Variants in KPNA5 observed in about 807,000 individuals in gnomAD.
The protein encoded by KPNA5 is karyopherin subunit alpha 5.
Under a neutral mutation model 71.3 loss-of-function variants are expected in KPNA5, and 46 were observed. The ratio of observed to expected loss-of-function variants is 0.65; its 90% confidence interval spans 0.51 to 0.83. The LOEUF (loss-of-function observed/expected upper bound fraction) is 0.83, where lower values mean the gene tolerates loss of function less well. Ranked by LOEUF, KPNA5 falls within the 40% of genes least tolerant of loss-of-function variation. The probability of loss-of-function intolerance (pLI) is 0.00; values close to 1 mark genes in which losing one functional copy is unlikely to be tolerated. For missense variants in KPNA5, 547 were observed against 628.3 expected, an observed-to-expected ratio of 0.87 and a Z score of 1.38; for synonymous variants, 207 against 201.4, an observed-to-expected ratio of 1.03 and a Z score of -0.24.
At chr6:116,710,889 ATATAT>A (rs1306334137) in intron 7 of KPNA5, among the ~76,000 whole-genome samples, 18 of 68,824 alleles carry the variant, frequency 2.6e-4, no homozygotes, top group African/African-American at 1.3e-3. Context: ...ATATATATAT[ATATAT>A]TTTTTTTTTT....
chr6:116,729,717 T>C lies in KPNA5; in HGVS notation c.1408T>C (p.Cys470Arg), dbSNP rs1370320105. 2 of 1,567,702 alleles carry C rather than the reference T, an allele frequency of 1.3e-6. No homozygotes were observed. Among genetic ancestry groups the C allele is most frequent in the South Asian group, 2.4e-5 (2 of 82,598 alleles). Reference sequence around the variant, plus strand: ...GAATGGAATAGGCATTAATCCATACTGTGCTCTCATTGAAGAAGCATATGG... The same window carrying C: ...GAATGGAATAGGCATTAATCCATACCGTGCTCTCATTGAAGAAGCATATGG... ...KQNGIGINPY[C>R]ALIEEAYGLD... is the part of the protein sequence containing the mutation. The change falls in exon 13 of 14, where the codon TGT becomes CGT. Residue 470 changes from cysteine (C) to arginine (R), a missense_variant. Physicochemically the swap from Cys to Arg is radical, Grantham distance 180 (BLOSUM62 -3). Transcript: ENST00000368564.
chr6:116,727,786 T>C (rs1779341488), intron 12 of KPNA5, among the ~76,000 whole-genome samples: 1 of 152,126 alleles, frequency 6.6e-6, no homozygotes, highest in Non-Finnish European at 1.5e-5. Flanking sequence ...CCTGAATCTT[T>C]TATCATGTAC....
In KPNA5 at chr6:116,740,263, T is replaced by C. The variant is rs1473046252; in HGVS notation, c.*7940T>C. 1.3e-5 allele frequency: 2 copies of C among 152,156 alleles called. No individual in the cohort carries two copies. The highest frequency in any genetic ancestry group is 1.5e-5 in the Non-Finnish European group (1 of 68,042). 9.4% of individuals were successfully genotyped at this position (152,156 alleles called of 1,614,324 possible). A position where few individuals can be genotyped will look rare whatever the true frequency, so the allele number is the denominator to read the frequency against. On this transcript the variant is annotated 3_prime_UTR_variant, in exon 14 of 14. Transcript: ENST00000368564. Reference sequence around the variant, plus strand: ...AAAAAATGCTCACCATCACTGGCCATCAGACAAATGCAAATCAAAACCACA... The same window carrying C: ...AAAAAATGCTCACCATCACTGGCCACCAGACAAATGCAAATCAAAACCACA...
At position 116,733,562 on chromosome 6, in the gene KPNA5, TGAAA is replaced by T. The variant is rs1444664304; in HGVS notation, c.*1245_*1248del. ...CAAAAACCTCTTCAAACGGAAAATT[TGAAA>T]GAAAGGTTTCAATAGAAAAATTATA... On this transcript the variant is annotated 3_prime_UTR_variant, in exon 14 of 14. Coordinates refer to ENST00000368564, the MANE Select transcript of KPNA5 (RefSeq NM_001366306.2). The T allele has an allele frequency of 2.6e-5, 4 of 151,394 alleles. No individual in the cohort carries two copies. Among genetic ancestry groups the T allele is most frequent in the Non-Finnish European group, 4.4e-5 (3 of 67,626 alleles). 9.4% of individuals were successfully genotyped at this position (151,394 alleles called of 1,614,324 possible).
intron 7 of KPNA5, among the ~76,000 whole-genome samples, chr6:116,711,536 A>ATGTGTG (rs1491586756): frequency 1.9e-5 from 2 of 105,954 alleles, no homozygotes; most frequent in African/African-American, 9.3e-5. Flanking sequence ...TATTTTCTGC[A>ATGTGTG]TATGTGTGTG....
Position 116,732,077 on chromosome 6 carries a change from TATATATATATATATATATATATATA to T in KPNA5, c.1433-58_1433-34del, listed in dbSNP as rs1779509529. 176 of 144,750 alleles carry T rather than the reference TATATATATATATATATATATATATA, an allele frequency of 1.2e-3. 17 individuals are homozygous for T. The highest frequency in any genetic ancestry group is 4.5e-3 in the African/African-American group (110 of 24,178). The allele number at this position is 144,750 out of a possible 1,614,324, so 9.0% of individuals were successfully genotyped here. ...TGAAATTGTAGTAACAGTTTGTTTA[TATATATATATATATATATATATATA>T]TATATATATATATATATATACTTTG... On this transcript the variant is annotated intron_variant, in intron 13 of 13. Transcript: ENST00000368564.
At chr6:116,712,323 C>T (rs1266597140) in intron 7 of KPNA5, among the ~76,000 whole-genome samples, 2 of 152,180 alleles carry the variant, frequency 1.3e-5, no homozygotes, top group East Asian at 1.9e-4. Flanking sequence ...TTTTGACTTA[C>T]AGTCTAGTTT....
intron 13 of KPNA5, among the ~76,000 whole-genome samples, chr6:116,731,289 A>G (rs1779473061): frequency 6.6e-6 from 1 of 152,146 alleles, no homozygotes; most frequent in South Asian, 2.1e-4. Context: ...CTTTCAAATT[A>G]TATAACATCA....
rs1023633023 is a variant in KPNA5, at chr6:116,733,766, T to G, written c.*1443T>G. On this transcript the variant is annotated 3_prime_UTR_variant, in exon 14 of 14. Transcript: ENST00000368564. ...TTTAAGATGAGAACTAAGGCAATTT[T>G]GATATGATTCATGGTCTATTCTTTA... 3.3e-5 allele frequency: 5 copies of G among 151,792 alleles called. No individual in the cohort carries two copies. The highest frequency in any genetic ancestry group is 3.4e-3 in the Middle Eastern group (1 of 294). 9.4% of individuals were successfully genotyped at this position (151,792 alleles called of 1,614,324 possible).
At chr6:116,708,089 G>A (rs765402550) in intron 7 of KPNA5, among the ~76,000 whole-genome samples, 1 of 152,096 alleles carries the variant, frequency 6.6e-6, no homozygotes, top group African/African-American at 2.4e-5. Flanking sequence ...TCAGGATTTC[G>A]TTCTTTTTAT....
intron 1 of KPNA5, among the ~76,000 whole-genome samples, chr6:116,681,957 G>A (rs1350288045): frequency 2.0e-5 from 3 of 152,140 alleles, no homozygotes; most frequent in Admixed American, 1.3e-4. Context: ...TGAAATGACA[G>A]TGATATGTCT....
chr6:116,697,324 C>A (rs1370403958), intron 4 of KPNA5, among the ~76,000 whole-genome samples: 1 of 151,948 alleles, frequency 6.6e-6, no homozygotes, highest in African/African-American at 2.4e-5. Context: ...TGGGGCTTTT[C>A]ATTTAGAACA....
intron 8 of KPNA5, among the ~76,000 whole-genome samples, chr6:116,717,370 A>G (rs1441100957): frequency 6.6e-6 from 1 of 152,218 alleles, no homozygotes; most frequent in Admixed American, 6.5e-5. Context: ...GTCTCCTTGT[A>G]GGTAGCTACT....
At chr6:116,695,142 C>T (rs973490538) in intron 4 of KPNA5, among the ~76,000 whole-genome samples, 5 of 151,976 alleles carry the variant, frequency 3.3e-5, no homozygotes, top group Admixed American at 1.3e-4. Flanking sequence ...AGGGTTTTGT[C>T]ATATTGCCCA....
intron 5 of KPNA5, among the ~76,000 whole-genome samples, chr6:116,701,527 A>G (rs545259169): frequency 1.3e-5 from 2 of 152,342 alleles, no homozygotes; most frequent in Admixed American, 1.3e-4. Context: ...TTGATGTTGA[A>G]CAAATACCTA....
chr6:116,708,333 T>C (rs1758986056), intron 7 of KPNA5, among the ~76,000 whole-genome samples: 1 of 152,188 alleles, frequency 6.6e-6, no homozygotes, highest in African/African-American at 2.4e-5. Context: ...CCAAACTTTT[T>C]CACAGCAGCT....
rs1456434620 is a variant in KPNA5, at chr6:116,735,046, A to G, written c.*2723A>G. ...CTTGTTTTATATTTATAAGCACTTG[A>G]CTCACTGGGTGTGGTCTTTTTACTG... On this transcript the variant is annotated 3_prime_UTR_variant, in exon 14 of 14. Coordinates refer to ENST00000368564, the MANE Select transcript of KPNA5 (RefSeq NM_001366306.2). The G allele has an allele frequency of 4.6e-5, 7 of 151,650 alleles. No homozygotes were observed. Among genetic ancestry groups the G allele is most frequent in the East Asian group, 3.9e-4 (2 of 5,188 alleles). The allele number at this position is 151,650 out of a possible 1,614,324, so 9.4% of individuals were successfully genotyped here.
chr6:116,695,847 C>G (rs1185352583), intron 4 of KPNA5, among the ~76,000 whole-genome samples: 3 of 152,022 alleles, frequency 2.0e-5, no homozygotes, highest in Non-Finnish European at 4.4e-5. Flanking sequence ...ACATACATGT[C>G]ATACTGATAA....
chr6:116,716,364 A>C, intron 8 of KPNA5, 46 bp downstream of exon 8: 1 of 1,283,726 alleles, frequency 7.8e-7, no homozygotes. Context: ...CCATAAACCT[A>C]AGTTTCTATA....
Sources: gnomAD v4.1 joint callset for allele counts (sites outside exome capture counted in the v4.1 genomes callset) on GRCh38, gnomAD v4.1.1 for gene constraint, MANE v1.5 for transcripts, NCBI Gene and HGNC (gene_info 2026-07-23, HGNC 2026-07-21) for gene names.